ADAMTS17: variants seen among roughly 807,000 people sequenced by gnomAD.
The protein encoded by ADAMTS17 is ADAM metallopeptidase with thrombospondin type 1 motif 17, also known as A disintegrin and metalloproteinase with thrombospondin motifs 17.
A neutral mutation model predicts 141.5 loss-of-function variants in ADAMTS17; 113 were observed. The ratio of observed to expected loss-of-function variants is 0.80; its 90% CI spans 0.69 to 0.93. The LOEUF (loss-of-function observed/expected upper bound fraction) is 0.93. ADAMTS17 is among the 40% of genes least tolerant of loss of function. The pLI is 0.00. For synonymous variants in ADAMTS17, 768 were observed against 630.6 expected, an observed-to-expected ratio of 1.22 and a Z score of -3.27; for missense variants, 1,659 against 1,517.9, an observed-to-expected ratio of 1.09 and a Z score of -1.54.
intron 3 of ADAMTS17, among the ~76,000 whole-genome samples, chr15:100,299,384 C>T (rs1005424451): frequency 1.3e-5 from 2 of 151,624 alleles, no homozygotes. Context: ...TCAGCAAATC[C>T]GCAAAAAACA....
chr15:100,162,448 T>TG (rs1452987713), intron 8 of ADAMTS17, among the ~76,000 whole-genome samples: 1 of 130,226 alleles, frequency 7.7e-6, no homozygotes, highest in Non-Finnish European at 1.6e-5. Flanking sequence ...ACACATATAG[T>TG]TATATATATG....
At chr15:100,100,041 C>T (rs780671675) in intron 14 of ADAMTS17, among the ~76,000 whole-genome samples, 10 of 152,174 alleles carry the variant, frequency 6.6e-5, no homozygotes, top group Non-Finnish European at 1.3e-4. Context: ...TGCTCTACAG[C>T]GTCCGCTGTG....
chr15:100,131,575 A>G (rs1325816715), intron 12 of ADAMTS17, among the ~76,000 whole-genome samples: 1 of 152,168 alleles, frequency 6.6e-6, no homozygotes, highest in African/African-American at 2.4e-5. Flanking sequence ...CAGTTACAGG[A>G]GGACCCATGG....
intron 12 of ADAMTS17, among the ~76,000 whole-genome samples, chr15:100,118,546 G>T (rs1033345438): frequency 6.6e-6 from 1 of 152,188 alleles, no homozygotes; most frequent in African/African-American, 2.4e-5. Context: ...AGAACAGAGG[G>T]GCCTTGTGTT....
rs189913896 is a variant in ADAMTS17, at chr15:100,058,871, G to A, written c.2138-4817C>T. Among the ~76,000 whole-genome samples the A allele has an allele frequency of 7.6e-3, 1,157 of 152,318 alleles. 14 individuals are homozygous for A. Among genetic ancestry groups the A allele is most frequent in the African/African-American group, 0.027 (1,105 of 41,552 alleles). On this transcript the variant is annotated intron_variant, in intron 15 of 21. Transcript: ENST00000268070. Reference sequence around the variant, plus strand: ...GGGATAGGAAAGCGAAAGAGGCTGCGGCTGACGGACAAACCCAGGCAAGCT... The same window carrying A: ...GGGATAGGAAAGCGAAAGAGGCTGCAGCTGACGGACAAACCCAGGCAAGCT...
chr15:100,088,080 C>G (rs1178090943), intron 15 of ADAMTS17, among the ~76,000 whole-genome samples: 1 of 152,146 alleles, frequency 6.6e-6, no homozygotes, highest in African/African-American at 2.4e-5. Flanking sequence ...GACTGTATAT[C>G]TAGAAAACCC....
chr15:100,019,764 C>T (rs1265637512), intron 18 of ADAMTS17, among the ~76,000 whole-genome samples: 1 of 152,220 alleles, frequency 6.6e-6, no homozygotes, highest in Non-Finnish European at 1.5e-5. Flanking sequence ...GCCCTGTGGC[C>T]TCTAGTCTAG....
intron 15 of ADAMTS17, among the ~76,000 whole-genome samples, chr15:100,080,406 T>C (rs943605983): frequency 6.1e-5 from 9 of 148,088 alleles, no homozygotes; most frequent in African/African-American, 1.8e-4. Flanking sequence ...AGAGTATGCA[T>C]GGAATACAGG....
chr15:100,132,339 A>T lies in ADAMTS17; in HGVS notation c.1576-187T>A, dbSNP rs1427477694. Among the ~76,000 whole-genome samples the T allele has an allele frequency of 2.0e-5, 3 of 152,250 alleles. No homozygotes were observed. In the East Asian group the frequency reaches 5.8e-4, roughly 29 times the overall value. ...GCCTTACTTACTCAAACTGACACTC[A>T]TATCGCTGTAGGGTTTGGATTTTGC... On this transcript the variant is annotated intron_variant, in intron 11 of 21. Transcript: ENST00000268070.
intron 15 of ADAMTS17, among the ~76,000 whole-genome samples, chr15:100,055,574 CTA>C: frequency 6.6e-6 from 1 of 152,192 alleles, no homozygotes; most frequent in East Asian, 1.9e-4. Flanking sequence ...TCCAGGGTGG[CTA>C]TGAGAGGCTG....
intron 2 of ADAMTS17, among the ~76,000 whole-genome samples, chr15:100,335,691 T>G (rs1262075446): frequency 6.6e-6 from 1 of 152,264 alleles, no homozygotes; most frequent in Non-Finnish European, 1.5e-5. Context: ...CTGTTTTTAA[T>G]GCCTTAATGT....
At chr15:100,150,481 G>A (rs1430726799) in intron 10 of ADAMTS17, among the ~76,000 whole-genome samples, 1 of 152,106 alleles carries the variant, frequency 6.6e-6, no homozygotes, top group Non-Finnish European at 1.5e-5. Flanking sequence ...GGGGTTAAAA[G>A]CCCTTGCCTT....
intron 3 of ADAMTS17, among the ~76,000 whole-genome samples, chr15:100,323,697 G>A (rs2045806193): frequency 6.6e-6 from 1 of 152,074 alleles, no homozygotes; most frequent in Admixed American, 6.6e-5. Flanking sequence ...CTTCGAAAAG[G>A]TTAATAGACA....
chr15:100,091,028 A>AAAAAAAAAAAAAAG (rs369355348), intron 15 of ADAMTS17, among the ~76,000 whole-genome samples: 29 of 143,632 alleles, frequency 2.0e-4, no homozygotes, highest in African/African-American at 7.0e-4. Flanking sequence ...AAAAAAAAAA[A>AAAAAAAAAAAAAAG]GGGTAACCAA....
Position 100,341,069 on chromosome 15 carries a change from C to A in ADAMTS17, c.420G>T (p.Ser140=), listed in dbSNP as rs1157875866. Reference sequence around the variant, plus strand: ...CGCCGGCGGCGCCGCAGGCGCTGAGCGAGACGAGGGAGCCGGGGTGGCCGA... The same window carrying A: ...CGCCGGCGGCGCCGCAGGCGCTGAGAGAGACGAGGGAGCCGGGGTGGCCGA... ...RVLGHPGSLV[S]LSACGAAGGL... The change falls in exon 2 of 22, where the codon TCG becomes TCT. Residue 140 remains serine (S), a synonymous_variant. Coordinates refer to ENST00000268070, the MANE Select transcript of ADAMTS17 (RefSeq NM_139057.4). 1.3e-6 allele frequency: 2 copies of A among 1,522,988 alleles called. No individual in the cohort carries two copies. The highest frequency in any genetic ancestry group is 1.2e-5 in the South Asian group (1 of 83,632). The allele number at this position is 1,522,988 out of a possible 1,614,324, so 94.3% of individuals were successfully genotyped here. A position where few individuals can be genotyped will look rare whatever the true frequency, so the allele number is the denominator to read the frequency against.
chr15:100,267,406 C>T (rs758290935), intron 4 of ADAMTS17, among the ~76,000 whole-genome samples: 4 of 152,184 alleles, frequency 2.6e-5, no homozygotes, highest in Non-Finnish European at 5.9e-5. Context: ...TTTTTGCCAT[C>T]GTTCGGCCAT....
intron 13 of ADAMTS17, among the ~76,000 whole-genome samples, chr15:100,112,686 A>C (rs1007995002): frequency 1.3e-5 from 2 of 152,130 alleles, no homozygotes; most frequent in African/African-American, 4.8e-5. Flanking sequence ...TGAAGGAAGG[A>C]AGCTTGGAAC....
intron 15 of ADAMTS17, among the ~76,000 whole-genome samples, chr15:100,072,554 C>G (rs945042397): frequency 6.6e-6 from 1 of 152,056 alleles, no homozygotes; most frequent in East Asian, 1.9e-4. Flanking sequence ...GGTACCAAAA[C>G]AGAGCTATAG....
chr15:100,095,333 G>T (rs9920299), intron 15 of ADAMTS17, among the ~76,000 whole-genome samples: 7,562 of 152,194 alleles, frequency 0.05, 629 homozygotes, highest in African/African-American at 0.17. Context: ...GCAAAATGTT[G>T]GCGCAGTAGG....
Sources: allele counts gnomAD v4.1 joint callset (sites outside exome capture counted in the v4.1 genomes callset), GRCh38; gene constraint gnomAD v4.1.1; transcripts MANE v1.5; gene names NCBI Gene and HGNC (gene_info 2026-07-23, HGNC 2026-07-21).